PRDM1: variants seen among roughly 807,000 people sequenced by gnomAD.
The protein encoded by PRDM1 is PR/SET domain 1, also known as PR domain zinc finger protein 1.
PRDM1 carries 13 observed loss-of-function variants against 62.8 expected under a neutral mutation model. That is an observed-to-expected ratio of 0.21 (90% confidence interval 0.13 to 0.33). The LOEUF (loss-of-function observed/expected upper bound fraction) is 0.33. Among genes scored for constraint, PRDM1 ranks in the 10% least tolerant of loss-of-function variants. The pLI, the probability that PRDM1 is intolerant of heterozygous loss-of-function variation, is 1.00. For synonymous variants in PRDM1, 396 were observed against 417.6 expected (o/e 0.95, Z 0.63); for missense variants, 895 against 1,058.8 (o/e 0.85, Z 2.15).
intron 2 of PRDM1, among the ~76,000 whole-genome samples, chr6:106,093,220 A>G (rs567566539): frequency 6.6e-6 from 1 of 152,322 alleles, no homozygotes; most frequent in East Asian, 1.9e-4. Context: ...TATGCTTTCT[A>G]GTTGACTTCT....
At chr6:106,053,521 A>G (rs1041932967) in intron 1 of PRDM1, among the ~76,000 whole-genome samples, 1 of 152,142 alleles carries the variant, frequency 6.6e-6, no homozygotes, top group Non-Finnish European at 1.5e-5. Context: ...ATGTATTCTA[A>G]TAGAATACAT....
chr6:106,005,000 T>C (rs1415211341), intron 1 of PRDM1, among the ~76,000 whole-genome samples: 2 of 152,232 alleles, frequency 1.3e-5, no homozygotes, highest in Non-Finnish European at 2.9e-5. Context: ...CTTCTAATAA[T>C]GTAATACATT....
At chr6:106,006,177 G>A (rs1301770363) in intron 1 of PRDM1, among the ~76,000 whole-genome samples, 1 of 152,210 alleles carries the variant, frequency 6.6e-6, no homozygotes, top group Non-Finnish European at 1.5e-5. Context: ...CAAACATGCT[G>A]CGTGTAAACA....
chr6:105,998,911 ATATATATATATATATATATATATTTTTTT>A (rs1429004192), intron 1 of PRDM1, among the ~76,000 whole-genome samples: 24 of 57,802 alleles, frequency 4.2e-4, no homozygotes, highest in African/African-American at 1.4e-3. Flanking sequence ...ATATATATAT[ATATATATATATATATATATATATTTTTTT>A]TTTTTTTTTT....
chr6:106,075,973 A>G (rs1051240506), intron 1 of PRDM1, among the ~76,000 whole-genome samples: 2 of 150,810 alleles, frequency 1.3e-5, no homozygotes, highest in African/African-American at 4.9e-5. Context: ...TTTTTTTGAG[A>G]CAGAGTCTGG....
chr6:106,098,671 G>A, intron 3 of PRDM1: 1 of 1,355,236 alleles, frequency 7.4e-7, no homozygotes, highest in East Asian at 4.1e-5. Context: ...TGTTCGCTTT[G>A]TTATGGCAGG....
upstream of PRDM1, among the ~76,000 whole-genome samples, chr6:106,085,746 G>C (rs537938803): frequency 9.9e-5 from 15 of 151,908 alleles, no homozygotes; most frequent in African/African-American, 3.6e-4. Flanking sequence ...ACAATCTGTA[G>C]AATTATAACT....
At chr6:106,097,164 A>G (rs1428645047) in intron 3 of PRDM1, among the ~76,000 whole-genome samples, 1 of 152,232 alleles carries the variant, frequency 6.6e-6, no homozygotes, top group Non-Finnish European at 1.5e-5. Flanking sequence ...CTGACTTACA[A>G]TGGTGGAACC....
chr6:106,057,516 G>T (rs994987171), intron 1 of PRDM1, among the ~76,000 whole-genome samples: 2 of 152,152 alleles, frequency 1.3e-5, no homozygotes, highest in Non-Finnish European at 2.9e-5. Flanking sequence ...AAGTAGATAG[G>T]AATATATTTG....
chr6:106,072,290 A>C (rs1054105461), intron 1 of PRDM1: 1 of 152,246 alleles, frequency 6.6e-6, no homozygotes, highest in Non-Finnish European at 1.5e-5. Context: ...GAATCTGGAC[A>C]TTGTTTTTTA....
rs150450354 is a variant in PRDM1 at position 106,031,117 on chromosome 6, G to A, written c.-67+37478G>A. 4.2e-3 allele frequency among the ~76,000 whole-genome samples: 631 copies of A among 151,980 alleles called. 5 individuals are homozygous for A. Among genetic ancestry groups the A allele is most frequent in the African/African-American group, 0.014 (592 of 41,434 alleles). The stretch of plus-strand genomic sequence containing the variant: ...CAGCCCAAGTGGTGCCAAGAGTTTG[G>A]CATTCTGGTAAGTTTATTGGGAAAC... On this transcript the variant is annotated intron_variant, in intron 1 of 6. Coordinates refer to the PRDM1 transcript ENST00000652320.
At position 106,109,471 on chromosome 6, in the gene PRDM1, G is replaced by C. The variant is rs1774623231; in HGVS notation, c.*1985G>C. The C allele has an allele frequency of 4.3e-6, 1 of 233,452 alleles. No homozygotes were observed. The highest frequency in any genetic ancestry group is 2.2e-5 in the African/African-American group (1 of 45,296). The allele number at this position is 233,452 out of a possible 1,614,324, so 14.5% of individuals were successfully genotyped here. ...TCACATCAACTAATGTTCACCTGTAGAAGAGAACAAATTTCGAATAATCCA... is the reference window on the plus strand; with the variant it reads ...TCACATCAACTAATGTTCACCTGTACAAGAGAACAAATTTCGAATAATCCA... On this transcript the variant is annotated 3_prime_UTR_variant, in exon 7 of 7. Transcript: ENST00000369096.
intron 1 of PRDM1, among the ~76,000 whole-genome samples, chr6:106,074,124 C>T (rs1212836417): frequency 2.6e-5 from 4 of 152,130 alleles, no homozygotes; most frequent in Non-Finnish European, 4.4e-5. Context: ...GCCACTATAG[C>T]ATCTTAGTGG....
intron 1 of PRDM1, among the ~76,000 whole-genome samples, chr6:106,066,460 A>T (rs1773435086): frequency 6.6e-6 from 1 of 152,144 alleles, no homozygotes; most frequent in African/African-American, 2.4e-5. Flanking sequence ...GTGAAGGAGA[A>T]TTTTCTGCTT....
Position 106,099,570 on chromosome 6 carries a change from C to T in PRDM1, c.664+18C>T. On this transcript the variant is annotated intron_variant, in intron 4 of 6. Coordinates refer to ENST00000369096, the MANE Select transcript of PRDM1 (RefSeq NM_001198.4). ...GAATCTCAGTAAGTGGATTACAGAA[C>T]AAAAAAATAAAAAATGCCAGTAATG... is the stretch of plus-strand genomic sequence containing the variant. 6.2e-7 allele frequency: 1 copy of T among 1,606,448 alleles called. No homozygotes were observed. The highest frequency in any genetic ancestry group is 1.1e-5 in the South Asian group (1 of 90,108).
chr6:106,012,211 T>C (rs1363666269), intron 1 of PRDM1, among the ~76,000 whole-genome samples: 64 of 83,850 alleles, frequency 7.6e-4, no homozygotes, highest in East Asian at 1.7e-3. Context: ...CACACCACAC[T>C]CCTCCACATT....
chr6:106,084,509 A>G (rs968490013), upstream of PRDM1, among the ~76,000 whole-genome samples: 4 of 152,126 alleles, frequency 2.6e-5, no homozygotes, highest in African/African-American at 9.7e-5. Flanking sequence ...CCCTTACTCT[A>G]TCATGGTTGA....
At chr6:106,085,765 T>C (rs375210618), upstream of PRDM1, among the ~76,000 whole-genome samples, 2 of 150,816 alleles carry the variant, frequency 1.3e-5, no homozygotes, top group East Asian at 2.0e-4. Flanking sequence ...CTTTTGCCTA[T>C]TTCCCTATTT....
At chr6:106,021,872 G>A (rs530213369) in intron 1 of PRDM1, among the ~76,000 whole-genome samples, 4 of 152,214 alleles carry the variant, frequency 2.6e-5, no homozygotes, top group African/African-American at 9.6e-5. Context: ...CACCCACCTC[G>A]GCCTCCCAAA....
Sources: gnomAD v4.1 joint callset for allele counts (sites outside exome capture counted in the v4.1 genomes callset) on GRCh38, gnomAD v4.1.1 for gene constraint, MANE v1.5 for transcripts, NCBI Gene and HGNC (gene_info 2026-07-23, HGNC 2026-07-21) for gene names.